REDIC1: variants seen among roughly 807,000 people sequenced by gnomAD.
REDIC1 encodes HEI10 Interacting Protein 1.
the REDIC1 span, among the ~76,000 whole-genome samples, chr12:39,676,081 A>G: frequency 6.6e-6 from 1 of 152,148 alleles, no homozygotes; most frequent in African/African-American, 2.4e-5. Context: ...TTCTCCAGCA[A>G]TGGATCCAAA....
chr12:39,832,835 A>G, the REDIC1 span, among the ~76,000 whole-genome samples: 1 of 152,024 alleles, frequency 6.6e-6, no homozygotes, highest in East Asian at 1.9e-4. Flanking sequence ...CTAGCCCTAT[A>G]TGAATGCAAA....
At chr12:39,907,680 C>CT in the REDIC1 span, 1 of 152,280 alleles carries the variant, frequency 6.6e-6, no homozygotes, top group East Asian at 1.9e-4. Context: ...TGAGGTGCAT[C>CT]TCACCAACCA....
chr12:39,855,043 G>C, the REDIC1 span, among the ~76,000 whole-genome samples: 1 of 152,104 alleles, frequency 6.6e-6, no homozygotes, highest in Non-Finnish European at 1.5e-5. Context: ...TAGGAAGGTA[G>C]GCAGTAAACT....
At chr12:39,714,317 A>ATGCATATATGTATATACGTATATG in the REDIC1 span, among the ~76,000 whole-genome samples, 5 of 140,550 alleles carry the variant, frequency 3.6e-5, 2 homozygotes, top group Non-Finnish European at 6.6e-5. Flanking sequence ...ATACGTATAT[A>ATGCATATATGTATATACGTATATG]CAGGCATATA....
the REDIC1 span, among the ~76,000 whole-genome samples, chr12:39,728,511 G>A: frequency 6.6e-6 from 1 of 152,124 alleles, no homozygotes; most frequent in Non-Finnish European, 1.5e-5. Flanking sequence ...TGATCATGAT[G>A]GATAAGCTTT....
the REDIC1 span, among the ~76,000 whole-genome samples, chr12:39,694,312 A>G: frequency 6.6e-6 from 1 of 152,174 alleles, no homozygotes; most frequent in Non-Finnish European, 1.5e-5. Flanking sequence ...CCTGGTTTTA[A>G]CTTTATATCA....
the REDIC1 span, chr12:39,871,985 T>C: frequency 6.6e-7 from 1 of 1,522,968 alleles, no homozygotes; most frequent in South Asian, 1.3e-5. Context: ...AATAAAACAA[T>C]TGCTATTGAT....
At chr12:39,640,896 A>C in the REDIC1 span, 4 of 1,215,304 alleles carry the variant, frequency 3.3e-6, no homozygotes, top group Non-Finnish European at 4.8e-6. Flanking sequence ...CTAAACTGGC[A>C]GTTGTCTTAA....
At chr12:39,738,753 A>T in the REDIC1 span, among the ~76,000 whole-genome samples, 1 of 152,136 alleles carries the variant, frequency 6.6e-6, no homozygotes, top group Non-Finnish European at 1.5e-5. Context: ...AATGGTTATT[A>T]TTTCCTTGGG....
the REDIC1 span, among the ~76,000 whole-genome samples, chr12:39,888,813 T>C: frequency 6.6e-6 from 1 of 152,216 alleles, no homozygotes; most frequent in East Asian, 1.9e-4. Flanking sequence ...TATTAATAAC[T>C]GATGCAACTT....
At chr12:39,801,296 T>C in the REDIC1 span, among the ~76,000 whole-genome samples, 1 of 144,320 alleles carries the variant, frequency 6.9e-6, no homozygotes, top group Non-Finnish European at 1.5e-5. Context: ...TTTATAATAG[T>C]GTTTCACTTG....
the REDIC1 span, among the ~76,000 whole-genome samples, chr12:39,740,444 G>A: frequency 8.5e-5 from 13 of 152,106 alleles, no homozygotes; most frequent in Non-Finnish European, 1.8e-4. Flanking sequence ...CCAAAATGTT[G>A]TATCAAATTA....
At chr12:39,766,463 G>T in the REDIC1 span, among the ~76,000 whole-genome samples, 1 of 152,056 alleles carries the variant, frequency 6.6e-6, no homozygotes, top group Non-Finnish European at 1.5e-5. Flanking sequence ...CTTTTTGGTG[G>T]AGGGTCTTGC....
chr12:39,830,402 G>T, the REDIC1 span: 4 of 1,342,280 alleles, frequency 3.0e-6, no homozygotes, highest in Non-Finnish European at 3.8e-6. Context: ...GAGCTGGCTG[G>T]TCTCTTCGAT....
chr12:39,711,329 G>T, the REDIC1 span, among the ~76,000 whole-genome samples: 2 of 142,538 alleles, frequency 1.4e-5, no homozygotes, highest in Non-Finnish European at 3.1e-5. Context: ...TATATGTATA[G>T]ATCACATATA....
At chr12:39,666,102 G>A in the REDIC1 span, among the ~76,000 whole-genome samples, 1 of 152,182 alleles carries the variant, frequency 6.6e-6, no homozygotes, top group East Asian at 1.9e-4. Context: ...CCAATACTAT[G>A]TTGAATAGGA....
At chr12:39,702,396 T>A in the REDIC1 span, among the ~76,000 whole-genome samples, 1 of 152,216 alleles carries the variant, frequency 6.6e-6, no homozygotes, top group Non-Finnish European at 1.5e-5. Flanking sequence ...AGAAGTTGAA[T>A]CCCTGAATAG....
chr12:39,895,439 G>A, the REDIC1 span, among the ~76,000 whole-genome samples: 10 of 139,482 alleles, frequency 7.2e-5, no homozygotes, highest in East Asian at 4.2e-4. Flanking sequence ...GCAGTGAGCC[G>A]AGATCGTGCC....
At chr12:39,720,895 C>T in the REDIC1 span, 3 of 1,613,292 alleles carry the variant, frequency 1.9e-6, no homozygotes, top group African/African-American at 2.7e-5. Context: ...GATGGCAAAA[C>T]TTTCAGGTGA....
Sources: allele counts gnomAD v4.1 joint callset (sites outside exome capture counted in the v4.1 genomes callset), GRCh38; gene constraint gnomAD v4.1.1; transcripts MANE v1.5; gene names NCBI Gene and HGNC (gene_info 2026-07-23, HGNC 2026-07-21).